The following FASN variants were observed in gnomAD, a reference collection of about 807,000 sequenced individuals.
FASN encodes fatty acid synthase.
Under a neutral mutation model 250.0 loss-of-function variants are expected in FASN, and 50 were observed. That is an observed-to-expected ratio of 0.20 (90% CI 0.16 to 0.25). The LOEUF is 0.25. FASN is among the 10% of genes least tolerant of loss of function. The pLI is 1.00. For missense variants in FASN, 3,031 were observed against 3,498.5 expected, an observed-to-expected ratio of 0.87 and a Z score of 3.37; for synonymous variants, 1,909 against 1,584.0, an observed-to-expected ratio of 1.21 and a Z score of -4.87.
In FASN at chr17:82,079,022, G is replaced by C; in HGVS notation, c.*121C>G. The C allele has an allele frequency of 8.4e-7, 1 of 1,184,396 alleles. No homozygotes were observed. Among genetic ancestry groups the C allele is most frequent in the East Asian group, 2.6e-5 (1 of 38,972 alleles). 73.4% of individuals were successfully genotyped at this position (1,184,396 alleles called of 1,614,324 possible). ...CTACATCTAGCAGCCTCGGGGGGCA[G>C]TGGCACTGGGCCGGACAGGGTCCCA... On this transcript the variant is annotated 3_prime_UTR_variant, in exon 43 of 43. Transcript: ENST00000306749.
chr17:82,086,399 A>G lies in FASN; in HGVS notation c.3587T>C (p.Leu1196Pro). The G allele has an allele frequency of 6.2e-7, 1 of 1,610,808 alleles. No individual in the cohort carries two copies. The highest frequency in any genetic ancestry group is 8.5e-7 in the Non-Finnish European group (1 of 1,179,890). Residue 1196 changes from leucine (L) to proline (P), a missense_variant, in exon 22 of 43, where the codon CTG becomes CCG. Leu to Pro is a moderately conservative substitution (Grantham distance 98). Transcript: ENST00000306749. The part of the protein sequence containing the change: ...CRLQLNGNLQ[L>P]ELAQVLAQER... ...CTGGGCCAGCACCTGCGCCAGCTCC[A>G]GCTGCAGGTTCCCGTTGAGCTGAAG...
chr17:82,088,038 C>T lies in FASN; in HGVS notation c.2786-4G>A. 1.2e-6 allele frequency: 2 copies of T among 1,612,568 alleles called. No individual in the cohort carries two copies. Among genetic ancestry groups the T allele is most frequent in the Non-Finnish European group, 1.7e-6 (2 of 1,179,782 alleles). On this transcript the variant is annotated splice_polypyrimidine_tract_variant and splice_region_variant and intron_variant, in intron 17 of 42. Coordinates refer to ENST00000306749, the MANE Select transcript of FASN (RefSeq NM_004104.5). Reference sequence around the variant, plus strand: ...CGTACCTCCAGGGACACTGTCCCTGCAGAGCGGGAGAGTTGGAGATCAGAG... The same window carrying T: ...CGTACCTCCAGGGACACTGTCCCTGTAGAGCGGGAGAGTTGGAGATCAGAG...
At position 82,087,703 on chromosome 17, in the gene FASN, G is replaced by C. The variant is rs1433770536; in HGVS notation, c.3025C>G (p.Leu1009Val). The change falls in exon 19 of 43, where the codon CTG becomes GTG. Residue 1009 changes from leucine to valine, a missense_variant. Transcript: ENST00000306749. The stretch of plus-strand genomic sequence containing the variant: ...TACCCACCTTCCAGGCTGGCCTCCA[G>C]GATGCCCTGGAAATGAGGGCCGTAG... ...YDYGPHFQGI[L>V]EASLEGDSGR... is the part of the protein sequence containing the mutation. The C allele has an allele frequency of 1.2e-6, 2 of 1,611,964 alleles. No homozygotes were observed. The highest frequency in any genetic ancestry group is 1.1e-5 in the South Asian group (1 of 91,076).
At position 82,084,728 on chromosome 17, in the gene FASN, G is replaced by A; in HGVS notation, c.4565-12C>T. ...CTCCTCAGGCTTGTCTAGGGAAACA[G>A]GGAGGTGGGGCTGCTGCGGGGCCTT... On this transcript the variant is annotated splice_polypyrimidine_tract_variant and intron_variant, in intron 26 of 42. Coordinates refer to ENST00000306749, the MANE Select transcript of FASN (RefSeq NM_004104.5). 7.1e-6 allele frequency: 11 copies of A among 1,554,820 alleles called. No homozygotes were observed. Among genetic ancestry groups the A allele is most frequent in the African/African-American group, 1.4e-5 (1 of 73,482 alleles).
Position 82,098,129 on chromosome 17 carries a change from G to A in FASN, c.-16C>T. 1 of 346,826 alleles carries A rather than the reference G, an allele frequency of 2.9e-6. No individual in the cohort carries two copies. The highest frequency in any genetic ancestry group is 5.2e-6 in the Non-Finnish European group (1 of 192,290). The allele number at this position is 346,826 out of a possible 1,614,324, so 21.5% of individuals were successfully genotyped here. ...GCGCCGGCTGCTCGTACCTGGTGAG[G>A]GCGCGGGCGGCGGTGCGGGCGGCGG... On this transcript the variant is annotated 5_prime_UTR_variant, in exon 1 of 43. Transcript: ENST00000306749.
intron 3 of FASN, among the ~76,000 whole-genome samples, chr17:82,094,948 A>G (rs947927296): frequency 1.4e-5 from 2 of 139,084 alleles, no homozygotes; most frequent in Non-Finnish European, 3.1e-5. Flanking sequence ...GAGGGGAGAG[A>G]CAGCAGGGCC....
In FASN at chr17:82,078,859, C is replaced by T. The variant is rs908307111; in HGVS notation, c.*284G>A. ...ACAGAAAGACCAAGCGCAGACCCCA[C>T]GGGCGCACGAGGCCCAGCCCAGTTC... On this transcript the variant is annotated 3_prime_UTR_variant, in exon 43 of 43. Coordinates refer to ENST00000306749, the MANE Select transcript of FASN (RefSeq NM_004104.5). The surrounding 1 kb of genome is among the most constrained non-coding windows in gnomAD (Gnocchi z 5.4). The T allele has an allele frequency of 9.2e-5, 51 of 555,130 alleles. No individual in the cohort carries two copies. The highest frequency in any genetic ancestry group is 4.9e-4 in the Middle Eastern group (1 of 2,056). 34.4% of individuals were successfully genotyped at this position (555,130 alleles called of 1,614,324 possible).
At position 82,085,645 on chromosome 17, in the gene FASN, G is replaced by A; in HGVS notation, c.3959C>T (p.Ala1320Val). Residue 1320 changes from alanine to valine, a missense_variant, in exon 23 of 43, where the codon GCT becomes GTT. Ala to Val is a moderately conservative substitution (Grantham distance 64). Transcript: ENST00000306749. ...ADLLVCNCAV[A>V]ALGDPASALS... ...AGCTGAGGCCGGGTCCCCGAGGGCA[G>A]CCACAGCACAGTTGCACACCAGGAG... The A allele has an allele frequency of 6.3e-7, 1 of 1,594,140 alleles. No individual in the cohort carries two copies. Among genetic ancestry groups the A allele is most frequent in the Middle Eastern group, 1.7e-4 (1 of 6,038 alleles).
At chr17:82,090,795 C>G in intron 10 of FASN, 87 bp downstream of exon 10, 3 of 1,472,974 alleles carry the variant, frequency 2.0e-6, no homozygotes, top group Non-Finnish European at 2.8e-6. Flanking sequence ...TCAGGGGCCC[C>G]GGACTCAACA....
rs767525247 is a variant in FASN, at chr17:82,080,860, G to A, written c.6658C>T (p.Arg2220Cys). ...CCCTCCGGGTTCACCAGCAGGGAGC[G>A]CAGGTTCAGCTGAGTCTGCTGCTGG... ...LAQQQTQLNL[R>C]SLLVNPEGPT... is the part of the protein sequence containing the mutation. Residue 2220 changes from arginine to cysteine, a missense_variant, in exon 39 of 43, where the codon CGC (arginine) becomes TGC (cysteine). By Grantham distance (180) the Arg-to-Cys change is radical. Transcript: ENST00000306749. 1.6e-5 allele frequency: 26 copies of A among 1,611,250 alleles called. No homozygotes were observed. In the Admixed American group the frequency reaches 2.0e-4, roughly 12 times the overall value.
chr17:82,087,971 C>CCGTTCT lies in FASN; in HGVS notation c.2843_2848dup (p.Glu948_Asn949dup). 2 of 1,612,754 alleles carry CCGTTCT rather than the reference C, an allele frequency of 1.2e-6. No individual in the cohort carries two copies. The highest frequency in any genetic ancestry group is 1.7e-6 in the Non-Finnish European group (2 of 1,179,968). On this transcript the variant is annotated inframe_insertion, in exon 18 of 43. Transcript: ENST00000306749. ...CTGCTTACCACTCACTACCAGGTTG[C>CCGTTCT]CGTTCTCTGACACCTCGAAGGCACG...
intron 1 of FASN, among the ~76,000 whole-genome samples, 183 bp from the exon 2 acceptor site, chr17:82,096,635 G>A (rs890954443): frequency 6.6e-6 from 1 of 152,180 alleles, no homozygotes; most frequent in African/African-American, 2.4e-5. Flanking sequence ...CCCCGCTCTC[G>A]CTGGGAGGGG....
intron 14 of FASN, 45 bp from the exon 15 acceptor site, chr17:82,088,921 G>A (rs2034153192): frequency 6.2e-7 from 1 of 1,610,016 alleles, no homozygotes; most frequent in Non-Finnish European, 8.5e-7. Context: ...CTCAGCTGAG[G>A]CGCCCATCCC....
At chr17:82,079,644 C>T in intron 41 of FASN, 36 bp from the exon 42 acceptor site, 9 of 1,596,690 alleles carry the variant, frequency 5.6e-6, no homozygotes, top group East Asian at 2.2e-5. Flanking sequence ...GCTGGCAGCA[C>T]CCACAGCACC....
Position 82,080,740 on chromosome 17 carries a change from G to C in FASN, c.6778C>G (p.Leu2260Val), listed in dbSNP as rs1216327664. ...IEGSTTVFHS[L>V]ASRLSIPTYG... ...GTGGGGATGCTGAGCCGGGAGGCCA[G>C]GCTGTGGAACACGGTGGTGGAGCCC... The change falls in exon 39 of 43, where the codon CTG becomes GTG. Residue 2260 changes from leucine (L) to valine (V), a missense_variant. Leu to Val is a conservative substitution (Grantham distance 32, BLOSUM62 1). Coordinates refer to ENST00000306749, the MANE Select transcript of FASN (RefSeq NM_004104.5). 1 of 1,603,812 alleles carries C rather than the reference G, an allele frequency of 6.2e-7. No homozygotes were observed. The highest frequency in any genetic ancestry group is 8.5e-7 in the Non-Finnish European group (1 of 1,176,458).
intron 1 of FASN, chr17:82,097,449 C>T (rs62078748): frequency 0.24 from 36,429 of 152,344 alleles, 5,118 homozygotes; most frequent in Non-Finnish European, 0.32. Context: ...GCAGTGCGGC[C>T]TCCCTTGGGC....
chr17:82,096,504 G>A (rs977567788), intron 1 of FASN, 52 bp from the exon 2 acceptor site: 29 of 1,602,066 alleles, frequency 1.8e-5, no homozygotes, highest in African/African-American at 4.0e-5. Context: ...CGACACCCCC[G>A]TCAACAGCCT....
In FASN at chr17:82,087,860, C is replaced by T. The variant is rs2034133370; in HGVS notation, c.2868G>A (p.Gly956=). The T allele has an allele frequency of 6.2e-7, 1 of 1,612,630 alleles. No individual in the cohort carries two copies. Among genetic ancestry groups the T allele is most frequent in the South Asian group, 1.1e-5 (1 of 91,090 alleles). The change falls in exon 19 of 43, where the codon GGG becomes GGA. Residue 956 remains glycine, a splice_region_variant and synonymous_variant. Transcript: ENST00000306749. Reference sequence around the variant, plus strand: ...CAGGGTCATCCCACTGGTACACCTTCCCTGTGGAAAGGGAGGTGCGGAAGG... The same window carrying T: ...CAGGGTCATCCCACTGGTACACCTTTCCTGTGGAAAGGGAGGTGCGGAAGG... ...VSENGNLVVS[G]KVYQWDDPDP...
In FASN at chr17:82,085,615, C is replaced by T. The variant is rs1449722558; in HGVS notation, c.3989G>A (p.Ser1330Asn). ...AALGDPASALSNMVAALREGG... is the reference protein window; with the variant it reads ...AALGDPASALNNMVAALREGG... Reference sequence around the variant, plus strand: ...TTCTCTCAGGGCAGCCACCATGTTGCTGAGAGCTGAGGCCGGGTCCCCGAG... The same window carrying T: ...TTCTCTCAGGGCAGCCACCATGTTGTTGAGAGCTGAGGCCGGGTCCCCGAG... Residue 1330 changes from serine (S) to asparagine (N), a missense_variant, in exon 23 of 43, where the codon AGC becomes AAC. Coordinates refer to ENST00000306749, the MANE Select transcript of FASN (RefSeq NM_004104.5). 1 of 1,599,716 alleles carries T rather than the reference C, an allele frequency of 6.3e-7. No homozygotes were observed. Among genetic ancestry groups the T allele is most frequent in the Non-Finnish European group, 8.5e-7 (1 of 1,174,008 alleles).
Sources: gnomAD v4.1 joint callset for allele counts (sites outside exome capture counted in the v4.1 genomes callset) on GRCh38, gnomAD v4.1.1 for gene constraint, Gnocchi (gnomAD v3.1) non-coding constraint, MANE v1.5 for transcripts, NCBI Gene and HGNC (gene_info 2026-07-23, HGNC 2026-07-21) for gene names.